FA2H: variants seen among roughly 807,000 people sequenced by gnomAD.
FA2H encodes the protein fatty acid alpha-hydroxylase.
A neutral mutation model predicts 44.9 loss-of-function variants in FA2H; 22 were observed. The ratio of observed to expected loss-of-function variants is 0.49; its 90% CI spans 0.35 to 0.70. The LOEUF (loss-of-function observed/expected upper bound fraction) is 0.70, where lower values mean the gene tolerates loss of function less well. FA2H is among the 30% of genes least tolerant of loss of function. The pLI is 0.01. For synonymous variants in FA2H, 243 were observed against 213.2 expected (o/e 1.14, Z -1.22); for missense variants, 501 against 504.9 (o/e 0.99, Z 0.07).
chr16:74,763,870 T>C (rs1962757886), intron 1 of FA2H, among the ~76,000 whole-genome samples: 1 of 152,272 alleles, frequency 6.6e-6, no homozygotes, highest in African/African-American at 2.4e-5. Context: ...ATACTTTCTA[T>C]GCATCAGACT....
chr16:74,737,909 C>T (rs1382331935), intron 2 of FA2H, among the ~76,000 whole-genome samples: 1 of 152,242 alleles, frequency 6.6e-6, no homozygotes, highest in African/African-American at 2.4e-5. Flanking sequence ...CCGCGGGCTC[C>T]CCCAGCCTCT....
chr16:74,768,095 T>C (rs538832278), intron 1 of FA2H, among the ~76,000 whole-genome samples: 7 of 152,322 alleles, frequency 4.6e-5, no homozygotes, highest in African/African-American at 1.7e-4. Context: ...GAGGAGCATG[T>C]GTCATAAGAA....
At chr16:74,769,213 C>A (rs535293072) in intron 1 of FA2H, among the ~76,000 whole-genome samples, 3 of 152,312 alleles carry the variant, frequency 2.0e-5, no homozygotes, top group African/African-American at 7.2e-5. Context: ...CCACCTCAGC[C>A]TCCCAAGTAG....
chr16:74,726,301 CA>C lies in FA2H; in HGVS notation c.536del (p.Leu179ArgfsTer62). Reference sequence around the variant, plus strand: ...AGTAGGACCAGCTGAGATACAGCACCAGGGGCACCCAGATGATGGGGACACT... The same window carrying C: ...AGTAGGACCAGCTGAGATACAGCACCGGGGCACCCAGATGATGGGGACACT... ...WYSVPIIWVP[L>X]VLYLSWSYYR... On this transcript the variant is annotated frameshift_variant, in exon 4 of 7. Coordinates refer to ENST00000219368, the MANE Select transcript of FA2H (RefSeq NM_024306.5). LOFTEE classifies it high-confidence loss of function. The C allele has an allele frequency of 6.2e-7, 1 of 1,613,958 alleles. No homozygotes were observed. Among genetic ancestry groups the C allele is most frequent in the Non-Finnish European group, 8.5e-7 (1 of 1,179,946 alleles).
intron 1 of FA2H, among the ~76,000 whole-genome samples, chr16:74,742,165 G>C (rs1962325982): frequency 6.6e-6 from 1 of 152,100 alleles, no homozygotes; most frequent in African/African-American, 2.4e-5. Flanking sequence ...GTGTTTCAAT[G>C]CTGGGTCTCT....
At position 74,726,034 on chromosome 16, in the gene FA2H, T is replaced by C. The variant is rs1961946515; in HGVS notation, c.613+191A>G. On this transcript the variant is annotated intron_variant, in intron 4 of 6. Coordinates refer to ENST00000219368, the MANE Select transcript of FA2H (RefSeq NM_024306.5). ...TGCTGATGTGTTGTTGGGTTTTGTATCCATTTGGGGGGTAGATGGGAGTCA... is the reference window on the plus strand; with the variant it reads ...TGCTGATGTGTTGTTGGGTTTTGTACCCATTTGGGGGGTAGATGGGAGTCA... 4 of 583,950 alleles carry C rather than the reference T, an allele frequency of 6.8e-6. No homozygotes were observed. In the Admixed American group the frequency reaches 1.1e-4, roughly 16 times the overall value. The allele number at this position is 583,950 out of a possible 1,614,324, so 36.2% of individuals were successfully genotyped here. A position where few individuals can be genotyped will look rare whatever the true frequency, so the allele number is the denominator to read the frequency against.
At chr16:74,740,495 CT>C (rs1962271807) in intron 1 of FA2H, among the ~76,000 whole-genome samples, 1 of 151,498 alleles carries the variant, frequency 6.6e-6, no homozygotes, top group Middle Eastern at 3.2e-3. Context: ...TGGTGCGCCC[CT>C]GTAATCCCAG....
chr16:74,765,209 T>C (rs994006673), intron 1 of FA2H, among the ~76,000 whole-genome samples: 4 of 151,402 alleles, frequency 2.6e-5, no homozygotes, highest in Admixed American at 2.0e-4. Flanking sequence ...CAGGCTGGAG[T>C]GCAATGGCGC....
At chr16:74,740,952 C>A (rs1962284172) in intron 1 of FA2H, among the ~76,000 whole-genome samples, 1 of 152,202 alleles carries the variant, frequency 6.6e-6, no homozygotes, top group Admixed American at 6.5e-5. Context: ...GAGGCTGTCC[C>A]TGCAGCAACA....
At position 74,713,020 on chromosome 16, in the gene FA2H, C is replaced by T. The variant is rs1431449647; in HGVS notation, c.*1170G>A. The stretch of plus-strand genomic sequence containing the variant: ...TACAATTTAAGTTTTTATTTCACAA[C>T]CGTAGTTTTGTATATTTATTCCAAA... On this transcript the variant is annotated 3_prime_UTR_variant, in exon 7 of 7. Coordinates refer to ENST00000219368, the MANE Select transcript of FA2H (RefSeq NM_024306.5). The T allele has an allele frequency of 1.3e-5, 2 of 152,612 alleles. No individual in the cohort carries two copies. Among genetic ancestry groups the T allele is most frequent in the Non-Finnish European group, 2.9e-5 (2 of 68,038 alleles). The allele number at this position is 152,612 out of a possible 1,614,324, so 9.5% of individuals were successfully genotyped here. A position where few individuals can be genotyped will look rare whatever the true frequency, so the allele number is the denominator to read the frequency against.
intron 1 of FA2H, among the ~76,000 whole-genome samples, chr16:74,764,084 G>A (rs1191466172): frequency 6.6e-6 from 1 of 152,184 alleles, no homozygotes; most frequent in Non-Finnish European, 1.5e-5. Flanking sequence ...CTAGCATCAA[G>A]TTTGTTGTTC....
rs1243702113 is a variant in FA2H, at chr16:74,713,997, G to T, written c.*193C>A. ...AGGGCCACCTGGCCACCAAGTGGAT[G>T]TGACCCTCCTACCAGGGGTCAGGAG... On this transcript the variant is annotated 3_prime_UTR_variant, in exon 7 of 7. Transcript: ENST00000219368. The T allele has an allele frequency of 1.7e-6, 1 of 586,582 alleles. No individual in the cohort carries two copies. Among genetic ancestry groups the T allele is most frequent in the Non-Finnish European group, 3.0e-6 (1 of 328,096 alleles). 36.3% of individuals were successfully genotyped at this position (586,582 alleles called of 1,614,324 possible). A position where few individuals can be genotyped will look rare whatever the true frequency, so the allele number is the denominator to read the frequency against.
intron 1 of FA2H, among the ~76,000 whole-genome samples, chr16:74,750,548 A>G (rs2144647520): frequency 6.6e-6 from 1 of 152,328 alleles, no homozygotes; most frequent in East Asian, 1.9e-4. Context: ...CCAAACAACA[A>G]GAGCAGCAAC....
intron 1 of FA2H, among the ~76,000 whole-genome samples, chr16:74,746,813 C>T (rs889568026): frequency 3.9e-5 from 6 of 152,232 alleles, no homozygotes; most frequent in Middle Eastern, 6.8e-3. Flanking sequence ...TATATAGCTT[C>T]ATGGGGCAGG....
chr16:74,731,494 G>A (rs1280270444), intron 2 of FA2H, among the ~76,000 whole-genome samples: 1 of 152,096 alleles, frequency 6.6e-6, no homozygotes, highest in Admixed American at 6.6e-5. Flanking sequence ...TAATGTTGGA[G>A]TAGGTCTCCT....
chr16:74,723,364 C>T (rs1961881137), intron 4 of FA2H, among the ~76,000 whole-genome samples: 1 of 152,130 alleles, frequency 6.6e-6, no homozygotes, highest in African/African-American at 2.4e-5. Flanking sequence ...CAAACCTGGA[C>T]CCTCTGCCTC....
chr16:74,732,088 T>C (rs113930394), intron 2 of FA2H, among the ~76,000 whole-genome samples: 28 of 152,018 alleles, frequency 1.8e-4, no homozygotes, highest in African/African-American at 6.0e-4. Context: ...ATCACTATGT[T>C]GTGTAGGCTG....
At position 74,714,238 on chromosome 16, in the gene FA2H, G is replaced by A. The variant is rs558457701; in HGVS notation, c.1071C>T (p.Tyr357=). 3.3e-5 allele frequency: 51 copies of A among 1,564,988 alleles called. 1 individual carries two copies. In the East Asian group the frequency reaches 1.0e-3, roughly 31 times the overall value. Reference sequence around the variant, plus strand: ...TCTCTGGAGTGAGGGTGTGGAAACAGTAATCCCACAATTTAGTGCTGATAC... The same window carrying A: ...TCTCTGGAGTGAGGGTGTGGAAACAATAATCCCACAATTTAGTGCTGATAC... ...GFGISTKLWD[Y]CFHTLTPEKP... is the part of the protein sequence containing the mutation. The change falls in exon 7 of 7, where the codon TAC becomes TAT. Residue 357 remains tyrosine (Y), a synonymous_variant. Coordinates refer to ENST00000219368, the MANE Select transcript of FA2H (RefSeq NM_024306.5).
intron 1 of FA2H, among the ~76,000 whole-genome samples, chr16:74,754,568 C>T (rs918967055): frequency 6.6e-6 from 1 of 152,120 alleles, no homozygotes; most frequent in African/African-American, 2.4e-5. Flanking sequence ...GGCTCTGTCA[C>T]ACAGGCTGGA....
Sources: allele counts gnomAD v4.1 joint callset (sites outside exome capture counted in the v4.1 genomes callset), GRCh38; gene constraint gnomAD v4.1.1; transcripts MANE v1.5; gene names NCBI Gene and HGNC (gene_info 2026-07-23, HGNC 2026-07-21).